Variants in QKI observed in about 807,000 individuals in gnomAD.
QKI encodes QKI, KH domain containing RNA binding.
In QKI, 10 loss-of-function variants were observed where a neutral mutation model predicts 39.0. That is an observed-to-expected ratio of 0.26 (90% confidence interval 0.16 to 0.43). QKI has a LOEUF of 0.43. Ranked by LOEUF, QKI falls within the 20% of genes least tolerant of loss-of-function variation. The pLI, the probability that QKI is intolerant of heterozygous loss-of-function variation, is 1.00. For synonymous variants in QKI, 204 were observed against 155.4 expected (o/e 1.31, Z -2.33); for missense variants, 218 against 428.0 (o/e 0.51, Z 4.33).
At chr6:163,527,594 TTTG>T (rs1780593694) in intron 3 of QKI, among the ~76,000 whole-genome samples, 2 of 152,152 alleles carry the variant, frequency 1.3e-5, no homozygotes, top group African/African-American at 4.8e-5. Context: ...ATAGAATCCC[TTTG>T]TTGTTCAAAC....
chr6:163,565,015 A>G, intron 6 of QKI: 1 of 1,217,736 alleles, frequency 8.2e-7, no homozygotes, highest in Non-Finnish European at 1.0e-6. Flanking sequence ...GATGCTCTGT[A>G]TGTTATCTGT....
At chr6:163,449,478 C>CTA (rs1465726760) in intron 1 of QKI, among the ~76,000 whole-genome samples, 7 of 152,168 alleles carry the variant, frequency 4.6e-5, no homozygotes, top group African/African-American at 1.7e-4. Context: ...ATGTCTATAA[C>CTA]ATCAGCATTG....
At chr6:163,513,088 T>C (rs965405643) in intron 3 of QKI, among the ~76,000 whole-genome samples, 1 of 152,184 alleles carries the variant, frequency 6.6e-6, no homozygotes, top group Non-Finnish European at 1.5e-5. Flanking sequence ...GTTCATCTCT[T>C]ACTGTGCTTC....
At chr6:163,429,278 TATATC>T (rs1242656598) in intron 1 of QKI, among the ~76,000 whole-genome samples, 2 of 152,154 alleles carry the variant, frequency 1.3e-5, no homozygotes, top group African/African-American at 4.8e-5. Context: ...AAAACTAAAA[TATATC>T]AATTAAAAAG....
chr6:163,570,501 G>A (rs1182255032), intron 7 of QKI, 193 bp from the exon 8 acceptor site: 3 of 977,550 alleles, frequency 3.1e-6, no homozygotes, highest in African/African-American at 3.6e-5. Context: ...ATCATGATAC[G>A]AAATTGTCAT....
chr6:163,486,333 G>A (rs1474818523), intron 3 of QKI, among the ~76,000 whole-genome samples: 1 of 152,156 alleles, frequency 6.6e-6, no homozygotes, highest in African/African-American at 2.4e-5. Context: ...AATGTATTTG[G>A]CCATAGTCTC....
At chr6:163,556,750 T>C (rs922220017) in intron 4 of QKI, among the ~76,000 whole-genome samples, 6 of 152,160 alleles carry the variant, frequency 3.9e-5, no homozygotes, top group Admixed American at 6.5e-5. Context: ...CTGGGTGTTA[T>C]AGAATCTGTG....
intron 1 of QKI, among the ~76,000 whole-genome samples, chr6:163,452,542 C>T (rs193283796): frequency 1.3e-5 from 2 of 152,172 alleles, no homozygotes; most frequent in East Asian, 1.9e-4. Context: ...TATTGAGGGC[C>T]AGCTGTGTTC....
At chr6:163,454,035 A>G (rs1790759513) in intron 1 of QKI, among the ~76,000 whole-genome samples, 2 of 152,266 alleles carry the variant, frequency 1.3e-5, no homozygotes, top group South Asian at 4.1e-4. Flanking sequence ...GAACTTCCCC[A>G]TGTTTGGAAA....
At chr6:163,492,356 C>T (rs1433532401) in intron 3 of QKI, among the ~76,000 whole-genome samples, 1 of 152,060 alleles carries the variant, frequency 6.6e-6, no homozygotes, top group Admixed American at 6.6e-5. Flanking sequence ...TGTTAACTCT[C>T]GATTTTAAAT....
chr6:163,474,156 A>C (rs547459622), intron 2 of QKI, among the ~76,000 whole-genome samples: 10 of 152,302 alleles, frequency 6.6e-5, no homozygotes, highest in African/African-American at 2.4e-4. Context: ...CTCTTAGCAA[A>C]CTAAGAAATA....
In QKI at chr6:163,570,847, C is replaced by A; in HGVS notation, c.*137C>A. 3 of 1,161,574 alleles carry A rather than the reference C, an allele frequency of 2.6e-6. No individual in the cohort carries two copies. Among genetic ancestry groups the A allele is most frequent in the African/African-American group, 1.6e-5 (1 of 62,986 alleles). The allele number at this position is 1,161,574 out of a possible 1,614,324, so 72.0% of individuals were successfully genotyped here. A position where few individuals can be genotyped will look rare whatever the true frequency, so the allele number is the denominator to read the frequency against. ...CTGAGGCACTTGTCCGTTCGTCTTACCATCTAACCAAACAAAAGACAAAGA... is the reference window on the plus strand; with the variant it reads ...CTGAGGCACTTGTCCGTTCGTCTTAACATCTAACCAAACAAAAGACAAAGA... On this transcript the variant is annotated 3_prime_UTR_variant, in exon 8 of 8. Transcript: ENST00000361752.
intron 2 of QKI, among the ~76,000 whole-genome samples, chr6:163,461,335 C>G (rs538872043): frequency 1.3e-5 from 2 of 152,168 alleles, no homozygotes; most frequent in East Asian, 3.9e-4. Context: ...GATATTTTTC[C>G]AACGTTTAAC....
chr6:163,463,150 A>G (rs1406095004), intron 2 of QKI, among the ~76,000 whole-genome samples: 3 of 152,174 alleles, frequency 2.0e-5, no homozygotes, highest in Non-Finnish European at 2.9e-5. Context: ...TGAGTACTAA[A>G]CATTTTGAAA....
chr6:163,492,999 C>G (rs147868018), intron 3 of QKI, among the ~76,000 whole-genome samples: 230 of 152,122 alleles, frequency 1.5e-3, no homozygotes, highest in African/African-American at 5.1e-3. Flanking sequence ...TTAGATAATT[C>G]TGGTATTTTA....
chr6:163,472,306 G>T (rs545374624), intron 2 of QKI, among the ~76,000 whole-genome samples: 1 of 152,260 alleles, frequency 6.6e-6, no homozygotes, highest in African/African-American at 2.4e-5. Context: ...GATCATAAAG[G>T]TCTTCATCCT....
Position 163,414,760 on chromosome 6 carries a change from G to T in QKI, c.-434G>T. On this transcript the variant is annotated 5_prime_UTR_variant, in exon 1 of 8. Transcript: ENST00000361752. ...GCAGCGGCAGAGGCGCCGCGGCGGG[G>T]ACCAGCCCAGAGAGACCCCCCGAGC... is the stretch of plus-strand genomic sequence containing the variant. The T allele has an allele frequency of 2.7e-5, 4 of 148,922 alleles. No homozygotes were observed. In the South Asian group the frequency reaches 7.7e-4, roughly 29 times the overall value. The allele number at this position is 148,922 out of a possible 1,614,324, so 9.2% of individuals were successfully genotyped here.
chr6:163,475,629 C>A (rs1792531729), intron 2 of QKI, among the ~76,000 whole-genome samples: 1 of 152,046 alleles, frequency 6.6e-6, no homozygotes, highest in South Asian at 2.1e-4. Context: ...AAAGAGTAGT[C>A]TTTTCAATAA....
Position 163,573,062 on chromosome 6 carries a change from T to G in QKI, c.*2352T>G. The G allele has an allele frequency of 6.6e-6, 1 of 152,186 alleles. No individual in the cohort carries two copies. Among genetic ancestry groups the G allele is most frequent in the East Asian group, 1.9e-4 (1 of 5,186 alleles). The allele number at this position is 152,186 out of a possible 1,614,324, so 9.4% of individuals were successfully genotyped here. A position where few individuals can be genotyped will look rare whatever the true frequency, so the allele number is the denominator to read the frequency against. On this transcript the variant is annotated 3_prime_UTR_variant, in exon 8 of 8. Transcript: ENST00000361752. ...TCAACTATGTTATACCTGGACATTT[T>G]AGATGTTTATCAAAGGTCTTTTATG...
Sources: gnomAD v4.1 joint callset for allele counts (sites outside exome capture counted in the v4.1 genomes callset) on GRCh38, gnomAD v4.1.1 for gene constraint, MANE v1.5 for transcripts, NCBI Gene and HGNC (gene_info 2026-07-23, HGNC 2026-07-21) for gene names.